The following UBXN11 variants were observed in gnomAD, a reference collection of about 807,000 sequenced individuals.
The protein encoded by UBXN11 is UBX domain-containing protein 11.
In UBXN11, 47 loss-of-function variants were observed where a neutral mutation model predicts 62.8. That is an observed-to-expected ratio of 0.75 (90% confidence interval 0.59 to 0.95). The LOEUF (loss-of-function observed/expected upper bound fraction) is 0.95, where lower values mean the gene tolerates loss of function less well. Among genes scored for constraint, UBXN11 ranks in the 40% least tolerant of loss-of-function variants. The pLI is 0.00. For synonymous variants in UBXN11, 294 were observed against 267.0 expected, an observed-to-expected ratio of 1.10 and a Z score of -0.99; for missense variants, 638 against 661.7, an observed-to-expected ratio of 0.96 and a Z score of 0.39.
At chr1:26,285,683 A>G in intron 9 of UBXN11, 140 bp downstream of exon 9, 1 of 1,363,688 alleles carries the variant, frequency 7.3e-7, no homozygotes, top group South Asian at 1.5e-5. Context: ...GCCTTGGGAG[A>G]GGGGCCTCTG....
chr1:26,297,856 G>A, intron 5 of UBXN11, 106 bp downstream of exon 5: 1 of 1,263,734 alleles, frequency 7.9e-7, no homozygotes, highest in Non-Finnish European at 1.1e-6. Context: ...GGTCAGTGTG[G>A]TAGACGGTTC....
Position 26,301,722 on chromosome 1 carries a change from C to T in UBXN11, c.72G>A (p.Gly24=), listed in dbSNP as rs376754556. ...CTCCATAGATGCGGATTCCTCGCCT[C>T]CTGGGAACCCAGGCAGGAAGAAGGA... ...VPLPSEPMNP[G]RRGIRIYGDE... The change falls in exon 3 of 15, where the codon GGG becomes GGA. Residue 24 remains glycine, a splice_region_variant and synonymous_variant. Coordinates refer to ENST00000374222, the MANE Select transcript of UBXN11 (RefSeq NM_001389556.1). The T allele has an allele frequency of 5.0e-6, 8 of 1,613,870 alleles. No individual in the cohort carries two copies. The highest frequency in any genetic ancestry group is 2.7e-5 in the African/African-American group (2 of 74,912).
chr1:26,284,004 C>G, intron 12 of UBXN11, 138 bp downstream of exon 12: 1 of 898,434 alleles, frequency 1.1e-6, no homozygotes, highest in South Asian at 1.8e-5. Context: ...TTCCAGGAGA[C>G]AGTGGAGCAA....
chr1:26,311,625 T>C (rs2073745583), upstream of UBXN11, among the ~76,000 whole-genome samples: 1 of 151,684 alleles, frequency 6.6e-6, no homozygotes, highest in Non-Finnish European at 1.5e-5. Context: ...GTATTTTTAG[T>C]AGAGACAGAG....
At chr1:26,284,854 C>CA (rs1182671311) in intron 10 of UBXN11, 1 of 1,026,036 alleles carries the variant, frequency 9.7e-7, no homozygotes, top group African/African-American at 1.7e-5. Context: ...CTTGCCTTAT[C>CA]AAGGCATAGC....
rs2073521194 is a variant in UBXN11 at position 26,301,042 on chromosome 1, T to C, written c.101-18A>G. On this transcript the variant is annotated intron_variant, in intron 3 of 14. Transcript: ENST00000374222. ...CTCATCTTCTGCAGACAGGGATGCC[T>C]AGGTCACCGCTCTGGGGCGGAGACC... 6.2e-7 allele frequency: 1 copy of C among 1,614,064 alleles called. No individual in the cohort carries two copies. The highest frequency in any genetic ancestry group is 1.1e-5 in the South Asian group (1 of 91,096).
intron 3 of UBXN11, among the ~76,000 whole-genome samples, chr1:26,301,344 T>C (rs12085416): frequency 0.19 from 28,397 of 149,830 alleles, 2,882 homozygotes; most frequent in African/African-American, 0.26. Context: ...GCTGTCACAC[T>C]GGAGGAGGCT....
In UBXN11 at chr1:26,297,830, G is replaced by T. The variant is rs932929378; in HGVS notation, c.300+132C>A. On this transcript the variant is annotated intron_variant, in intron 5 of 14. Transcript: ENST00000374222. ...CTAGATCAGGCCCAGGCCACACCTG[G>T]TCCTCGAACTGGGCAGGTCAGTGTG... The T allele has an allele frequency of 5.4e-5, 55 of 1,018,248 alleles. 1 individual carries two copies. In the South Asian group the frequency reaches 7.7e-4, roughly 14 times the overall value. The allele number at this position is 1,018,248 out of a possible 1,614,324, so 63.1% of individuals were successfully genotyped here.
intron 1 of UBXN11, among the ~76,000 whole-genome samples, chr1:26,317,217 C>A (rs12088858): frequency 0.16 from 24,305 of 151,364 alleles, 2,034 homozygotes; most frequent in Middle Eastern, 0.21. Flanking sequence ...CAGAGCAAAA[C>A]TCTGTTTAAA....
chr1:26,317,144 G>A (rs2073803719), intron 1 of UBXN11, among the ~76,000 whole-genome samples: 1 of 151,764 alleles, frequency 6.6e-6, no homozygotes, highest in East Asian at 1.9e-4. Context: ...GGGAGGCCAA[G>A]GCAGGATAAT....
intron 1 of UBXN11, among the ~76,000 whole-genome samples, chr1:26,315,570 G>A (rs2073783285): frequency 6.6e-6 from 1 of 152,178 alleles, no homozygotes; most frequent in African/African-American, 2.4e-5. Flanking sequence ...ATGGATGGCT[G>A]GGGACTCCTC....
chr1:26,295,127 G>A (rs2073362583), intron 7 of UBXN11, among the ~76,000 whole-genome samples: 1 of 152,116 alleles, frequency 6.6e-6, no homozygotes, highest in East Asian at 1.9e-4. Flanking sequence ...ATGTCTAATG[G>A]CTGTGGCTCT....
upstream of UBXN11, among the ~76,000 whole-genome samples, chr1:26,308,285 GAAAAGAA>G: frequency 6.7e-6 from 1 of 150,082 alleles, no homozygotes; most frequent in Non-Finnish European, 1.5e-5. Context: ...AAAAAGAAAA[GAAAAGAA>G]AAAAGAAAAA....
upstream of UBXN11, chr1:26,306,825 G>GT (rs56317446): frequency 2.0e-4 from 16 of 78,740 alleles, 1 homozygote; most frequent in African/African-American, 8.1e-4. Flanking sequence ...GGTCCGGGGC[G>GT]GGGTGGGGGG....
chr1:26,283,053 GA>G, intron 12 of UBXN11, 116 bp from the exon 13 acceptor site: 3 of 1,352,126 alleles, frequency 2.2e-6, no homozygotes, highest in Non-Finnish European at 3.1e-6. Flanking sequence ...AGCAAAGCGG[GA>G]GGGGGTGTTC....
intron 12 of UBXN11, 71 bp from the exon 13 acceptor site, chr1:26,283,008 G>T: frequency 6.3e-7 from 1 of 1,593,784 alleles, no homozygotes; most frequent in South Asian, 1.1e-5. Flanking sequence ...ACCTTAGAGG[G>T]ACACTTCCTT....
At chr1:26,317,108 G>A (rs1270653077) in intron 1 of UBXN11, among the ~76,000 whole-genome samples, 6 of 151,260 alleles carry the variant, frequency 4.0e-5, no homozygotes, top group African/African-American at 4.9e-5. Context: ...AGGCATGGTG[G>A]CACACACCTG....
chr1:26,317,236 C>T (rs1053415482), intron 1 of UBXN11, among the ~76,000 whole-genome samples: 4 of 150,522 alleles, frequency 2.7e-5, no homozygotes, highest in African/African-American at 9.8e-5. Context: ...AAAAAAAAAA[C>T]AAAAAAACCA....
chr1:26,305,514 G>C (rs2073644633), intron 1 of UBXN11, among the ~76,000 whole-genome samples: 1 of 151,462 alleles, frequency 6.6e-6, no homozygotes, highest in Non-Finnish European at 1.5e-5. Context: ...CCTTTTCCAA[G>C]GCAGCCTTAG....
Sources: allele counts gnomAD v4.1 joint callset (sites outside exome capture counted in the v4.1 genomes callset), GRCh38; gene constraint gnomAD v4.1.1; transcripts MANE v1.5; gene names NCBI Gene and HGNC (gene_info 2026-07-23, HGNC 2026-07-21).